Variants in NARF observed in about 807,000 individuals in gnomAD.
The protein encoded by NARF is nuclear prelamin A recognition factor, also known as iron-only hydrogenase-like protein 2.
A neutral mutation model predicts 48.0 loss-of-function variants in NARF; 41 were observed. The ratio of observed to expected loss-of-function variants is 0.85; its 90% confidence interval spans 0.66 to 1.11. NARF has a LOEUF of 1.11. NARF is among the 50% of genes least tolerant of loss of function. The pLI is 0.00. For missense variants in NARF, 613 were observed against 590.2 expected (o/e 1.04, Z -0.40); for synonymous variants, 215 against 225.5 (o/e 0.95, Z 0.42).
At chr17:82,458,649 T>C, upstream of NARF, 1 of 980,288 alleles carries the variant, frequency 1.0e-6, no homozygotes, top group Non-Finnish European at 1.4e-6. Flanking sequence ...CGGCTTGTCC[T>C]CTCCCGGTGC....
At chr17:82,472,928 A>ATTTT (rs2143885596) in intron 5 of NARF, among the ~76,000 whole-genome samples, 1 of 151,294 alleles carries the variant, frequency 6.6e-6, no homozygotes, top group African/African-American at 2.4e-5. Context: ...TTATTTATTT[A>ATTTT]ATTTTATTTT....
chr17:82,464,415 T>G lies in NARF; in HGVS notation c.237T>G (p.Val79=), dbSNP rs772538699. 3 of 1,613,468 alleles carry G rather than the reference T, an allele frequency of 1.9e-6. No homozygotes were observed. In the South Asian group the frequency reaches 3.3e-5, roughly 18 times the overall value. ...SQQNAKDFFR[V]LNLNKKCDTS... ...AAAATGCCAAGGACTTCTTCCGCGTTCTGAACCTTAACAAGGTAAGGCATT... is the reference window on the plus strand; with the variant it reads ...AAAATGCCAAGGACTTCTTCCGCGTGCTGAACCTTAACAAGGTAAGGCATT... The change falls in exon 3 of 11, where the codon GTT becomes GTG. Residue 79 remains valine, a synonymous_variant. Coordinates refer to ENST00000309794, the MANE Select transcript of NARF (RefSeq NM_012336.4).
intron 5 of NARF, 59 bp from the exon 6 acceptor site, chr17:82,478,741 G>T (rs1035921975): frequency 6.6e-7 from 1 of 1,510,134 alleles, no homozygotes; most frequent in East Asian, 2.3e-5. Flanking sequence ...TCCCTGGTGC[G>T]TTACAGGAAG....
rs528819062 is a variant in NARF, at chr17:82,458,902, G to T, written c.27+72G>T. On this transcript the variant is annotated intron_variant, in intron 1 of 10. Transcript: ENST00000309794. Reference sequence around the variant, plus strand: ...GGGGCTCTGGGCGGCCGAGGTTGGCGGTCCGGGCCCGCCGCTCGCTCGCTT... The same window carrying T: ...GGGGCTCTGGGCGGCCGAGGTTGGCTGTCCGGGCCCGCCGCTCGCTCGCTT... 21 of 1,288,772 alleles carry T rather than the reference G, an allele frequency of 1.6e-5. No individual in the cohort carries two copies. The Middle Eastern group carries it at 1.4e-3, about 85-fold the overall frequency. 79.8% of individuals were successfully genotyped at this position (1,288,772 alleles called of 1,614,324 possible). A position where few individuals can be genotyped will look rare whatever the true frequency, so the allele number is the denominator to read the frequency against.
intron 4 of NARF, among the ~76,000 whole-genome samples, chr17:82,470,741 G>A (rs1015865132): frequency 2.6e-5 from 4 of 152,016 alleles, no homozygotes; most frequent in Admixed American, 6.6e-5. Context: ...TGATCTAACC[G>A]CCTTGGACTC....
At chr17:82,486,354 C>T (rs986196643) in intron 10 of NARF, among the ~76,000 whole-genome samples, 1 of 152,036 alleles carries the variant, frequency 6.6e-6, no homozygotes, top group Non-Finnish European at 1.5e-5. Context: ...GGGGGCACCA[C>T]GAGGGACTCG....
upstream of NARF, chr17:82,458,710 C>T: frequency 4.3e-6 from 6 of 1,408,430 alleles, no homozygotes; most frequent in Non-Finnish European, 4.6e-6. Flanking sequence ...CGGGGGAGGA[C>T]AACAAAGGGC....
chr17:82,461,848 C>T (rs11077995), intron 2 of NARF, among the ~76,000 whole-genome samples: 69,396 of 152,022 alleles, frequency 0.46, 17,306 homozygotes, highest in East Asian at 0.89. Flanking sequence ...GGTGTTCTCC[C>T]GGTTGCCCTG....
chr17:82,476,063 A>T (rs1017468204), intron 5 of NARF, among the ~76,000 whole-genome samples: 1 of 151,992 alleles, frequency 6.6e-6, no homozygotes, highest in African/African-American at 2.4e-5. Flanking sequence ...GCTGGAGTGC[A>T]TTGGTGTGAT....
At chr17:82,463,888 AG>A in intron 2 of NARF, 1 of 169,484 alleles carries the variant, frequency 5.9e-6, no homozygotes, top group Middle Eastern at 2.8e-3. Context: ...GGATGGTAAG[AG>A]GGGGCACAGA....
rs2044145394 is a variant in NARF, at chr17:82,488,343, A to G, written c.*186A>G. ...CCCTCAGGCAGTTTCATGTGGTGCT[A>G]TCTTCATAATAGGTGTGGGATTGGA... On this transcript the variant is annotated 3_prime_UTR_variant, in exon 11 of 11. Coordinates refer to ENST00000309794, the MANE Select transcript of NARF (RefSeq NM_012336.4). 3.5e-6 allele frequency: 3 copies of G among 854,820 alleles called. No homozygotes were observed. The highest frequency in any genetic ancestry group is 5.2e-6 in the Non-Finnish European group (3 of 580,998). The allele number at this position is 854,820 out of a possible 1,614,324, so 53.0% of individuals were successfully genotyped here. A position where few individuals can be genotyped will look rare whatever the true frequency, so the allele number is the denominator to read the frequency against.
Position 82,488,210 on chromosome 17 carries a change from A to C in NARF, c.*53A>C. 1 of 1,590,930 alleles carries C rather than the reference A, an allele frequency of 6.3e-7. No individual in the cohort carries two copies. Among genetic ancestry groups the C allele is most frequent in the Non-Finnish European group, 8.6e-7 (1 of 1,166,526 alleles). On this transcript the variant is annotated 3_prime_UTR_variant, in exon 11 of 11. Coordinates refer to ENST00000309794, the MANE Select transcript of NARF (RefSeq NM_012336.4). Reference sequence around the variant, plus strand: ...TTGGGGCCAGAGCCAAGAGCCTCTCAGTAGAGGGAGGGGCTGCCCTGAGTG... The same window carrying C: ...TTGGGGCCAGAGCCAAGAGCCTCTCCGTAGAGGGAGGGGCTGCCCTGAGTG...
chr17:82,476,863 TG>T (rs1414568861), intron 5 of NARF: 1 of 152,474 alleles, frequency 6.6e-6, no homozygotes, highest in African/African-American at 2.4e-5. Context: ...CCCAAGTAGC[TG>T]GGATTAGAGG....
intron 10 of NARF, among the ~76,000 whole-genome samples, chr17:82,487,252 G>A (rs2044115333): frequency 6.6e-6 from 1 of 151,444 alleles, no homozygotes; most frequent in Non-Finnish European, 1.5e-5. Context: ...GGGAGGCCGA[G>A]GTGGTCGGAT....
chr17:82,469,040 G>C, intron 4 of NARF, 144 bp downstream of exon 4: 1 of 903,512 alleles, frequency 1.1e-6, no homozygotes, highest in Non-Finnish European at 1.6e-6. Flanking sequence ...ACCATGTCCC[G>C]TGTGTCATGA....
chr17:82,467,653 T>C (rs1369394796), intron 3 of NARF, among the ~76,000 whole-genome samples: 1 of 151,790 alleles, frequency 6.6e-6, no homozygotes, highest in Admixed American at 6.6e-5. Flanking sequence ...TACAGGCACA[T>C]GCCACCACAC....
chr17:82,462,575 C>T (rs2043464695), intron 2 of NARF: 3 of 152,488 alleles, frequency 2.0e-5, no homozygotes. Flanking sequence ...AGTTTTAGCT[C>T]CACAGACACT....
intron 10 of NARF, 121 bp from the exon 11 acceptor site, chr17:82,487,795 T>TGAA: frequency 2.3e-6 from 1 of 444,396 alleles, no homozygotes; most frequent in African/African-American, 2.2e-5. Context: ...GCCCAATCTC[T>TGAA]ACAAAAAATT....
chr17:82,458,668 G>C, upstream of NARF: 1 of 1,202,302 alleles, frequency 8.3e-7, no homozygotes. Context: ...GCTCTCATTG[G>C]CCGAGCGCGG....
Sources: allele counts gnomAD v4.1 joint callset (sites outside exome capture counted in the v4.1 genomes callset), GRCh38; gene constraint gnomAD v4.1.1; transcripts MANE v1.5; gene names NCBI Gene and HGNC (gene_info 2026-07-23, HGNC 2026-07-21).